The following TOMM7 variants were observed in gnomAD, a reference collection of about 807,000 sequenced individuals.
TOMM7 encodes mitochondrial import receptor subunit TOM7 homolog.
Under a neutral mutation model 9.5 loss-of-function variants are expected in TOMM7, and 8 were observed. The ratio of observed to expected loss-of-function variants is 0.84; its 90% confidence interval spans 0.49 to 1.51. TOMM7 has a LOEUF of 1.51. Ranked by LOEUF, TOMM7 falls within the 40% of genes most tolerant of loss-of-function variation. TOMM7 has a pLI of 0.00. For missense variants in TOMM7, 74 were observed against 63.7 expected, an observed-to-expected ratio of 1.16 and a Z score of -0.55; for synonymous variants, 27 against 21.4, an observed-to-expected ratio of 1.26 and a Z score of -0.72.
intron 1 of TOMM7, among the ~76,000 whole-genome samples, chr7:22,819,341 G>A (rs1439245869): frequency 6.6e-6 from 1 of 151,222 alleles, no homozygotes; most frequent in Non-Finnish European, 1.5e-5. Flanking sequence ...AAACTGGCCT[G>A]CCAATTTCAC....
At chr7:22,819,021 C>CG (rs895639824) in intron 1 of TOMM7, among the ~76,000 whole-genome samples, 32 of 90,900 alleles carry the variant, frequency 3.5e-4, no homozygotes, top group Middle Eastern at 5.0e-3. Context: ...GGGTGGAGGG[C>CG]GGGGGGGTTG....
intron 2 of TOMM7, among the ~76,000 whole-genome samples, chr7:22,816,054 C>A (rs1046295142): frequency 3.3e-5 from 5 of 152,084 alleles, no homozygotes. Context: ...CATGCAGTAT[C>A]ATATAGCTAG....
chr7:22,820,531 G>C (rs1361379715), intron 1 of TOMM7, among the ~76,000 whole-genome samples: 2 of 152,102 alleles, frequency 1.3e-5, no homozygotes, highest in Admixed American at 1.3e-4. Flanking sequence ...AAACCAAAGG[G>C]ACACAAAAAG....
rs375229765 is a variant in TOMM7, at chr7:22,813,204, G to A, written c.153-19C>T. ...AAGTAGGCTAAAATGTTTGTGAAGA[G>A]AAGAAAGAAATTAAATTCCGAAATA... On this transcript the variant is annotated intron_variant, in intron 2 of 2. Transcript: ENST00000358435. 653 of 1,606,270 alleles carry A rather than the reference G, an allele frequency of 4.1e-4. No homozygotes were observed. The highest frequency in any genetic ancestry group is 5.1e-4 in the Non-Finnish European group (604 of 1,177,004).
intron 1 of TOMM7, chr7:22,822,118 C>G: frequency 6.5e-7 from 1 of 1,547,978 alleles, no homozygotes; most frequent in Non-Finnish European, 8.7e-7. Flanking sequence ...GCTGTGCGAC[C>G]TTGGCAAAAA....
chr7:22,815,883 A>G (rs1319215740), intron 2 of TOMM7, among the ~76,000 whole-genome samples: 1 of 152,158 alleles, frequency 6.6e-6, no homozygotes, highest in African/African-American at 2.4e-5. Context: ...CTAGGAGGAA[A>G]GAAGGAAGAG....
intron 1 of TOMM7, among the ~76,000 whole-genome samples, chr7:22,820,278 T>C (rs1409744201): frequency 1.3e-5 from 2 of 151,640 alleles, no homozygotes; most frequent in African/African-American, 4.9e-5. Context: ...CAATCTCATA[T>C]AACTTGAATT....
intron 2 of TOMM7, among the ~76,000 whole-genome samples, chr7:22,817,154 G>C (rs1782326750): frequency 6.6e-6 from 1 of 152,136 alleles, no homozygotes; most frequent in Non-Finnish European, 1.5e-5. Flanking sequence ...TTCCTCCAGA[G>C]CAAACCTGCC....
rs756591724 is a variant in TOMM7 at position 22,822,636 on chromosome 7, C to G, written c.103+41G>C. 4 of 1,562,984 alleles carry G rather than the reference C, an allele frequency of 2.6e-6. No homozygotes were observed. The South Asian group carries it at 4.4e-5, about 17-fold the overall frequency. Reference sequence around the variant, plus strand: ...AAATGGGGCTGCTGTCTCCGCCACCCTCTTCCCTCCAGTCACTTTCCCGGT... The same window carrying G: ...AAATGGGGCTGCTGTCTCCGCCACCGTCTTCCCTCCAGTCACTTTCCCGGT... On this transcript the variant is annotated intron_variant, in intron 1 of 2. Transcript: ENST00000358435.
intron 1 of TOMM7, among the ~76,000 whole-genome samples, chr7:22,820,754 T>C (rs374855146): frequency 6.6e-6 from 1 of 152,162 alleles, no homozygotes. Flanking sequence ...CTGTCATATT[T>C]ACTCTAATCC....
chr7:22,822,057 A>C (rs1203663185), intron 1 of TOMM7: 1 of 1,389,998 alleles, frequency 7.2e-7, no homozygotes, highest in Non-Finnish European at 9.7e-7. Context: ...GGTTAAGACT[A>C]TGGGCTCTGA....
chr7:22,822,596 T>C (rs1583465200), intron 1 of TOMM7, 81 bp downstream of exon 1: 1 of 1,268,390 alleles, frequency 7.9e-7, no homozygotes, highest in Non-Finnish European at 1.1e-6. Flanking sequence ...TTTCTCTCCC[T>C]CCCCCGACGG....
chr7:22,815,303 C>A (rs546283678), intron 2 of TOMM7, among the ~76,000 whole-genome samples: 2 of 152,072 alleles, frequency 1.3e-5, no homozygotes, highest in Non-Finnish European at 1.5e-5. Context: ...ACTTCTGTAT[C>A]CTAAATCACC....
At chr7:22,821,957 G>A (rs1782398569) in intron 1 of TOMM7, among the ~76,000 whole-genome samples, 1 of 151,994 alleles carries the variant, frequency 6.6e-6, no homozygotes. Flanking sequence ...CCGGGATAGC[G>A]CCACTGCACT....
chr7:22,816,766 A>T (rs937695387), intron 2 of TOMM7, among the ~76,000 whole-genome samples: 2 of 152,216 alleles, frequency 1.3e-5, no homozygotes, highest in African/African-American at 4.8e-5. Flanking sequence ...CTAAGTTAAG[A>T]AAGAGGTAAA....
intron 1 of TOMM7, among the ~76,000 whole-genome samples, chr7:22,820,932 T>G (rs1376769168): frequency 6.6e-6 from 1 of 151,114 alleles, no homozygotes; most frequent in Non-Finnish European, 1.5e-5. Flanking sequence ...CAGAGTGTAC[T>G]TTATCTTATA....
Position 22,822,796 on chromosome 7 carries a change from C to T in TOMM7, c.-17G>A. On this transcript the variant is annotated 5_prime_UTR_variant, in exon 1 of 3. Coordinates refer to ENST00000358435, the MANE Select transcript of TOMM7 (RefSeq NM_019059.5). ...CTTCACCATGGCGACGGCCGTGTGG[C>T]GCAGGGAGGACCCCTTACAGCAACC... is the stretch of plus-strand genomic sequence containing the variant. The T allele has an allele frequency of 1.0e-5, 16 of 1,606,236 alleles. No individual in the cohort carries two copies. Among genetic ancestry groups the T allele is most frequent in the Non-Finnish European group, 1.2e-5 (14 of 1,172,882 alleles).
At chr7:22,815,513 C>G (rs1782306583) in intron 2 of TOMM7, among the ~76,000 whole-genome samples, 1 of 148,134 alleles carries the variant, frequency 6.8e-6, no homozygotes, top group Non-Finnish European at 1.5e-5. Context: ...CTGGGCAACA[C>G]AGTGAGACCT....
chr7:22,819,399 C>T (rs1307681139), intron 1 of TOMM7, among the ~76,000 whole-genome samples: 3 of 149,702 alleles, frequency 2.0e-5, no homozygotes, highest in Non-Finnish European at 4.4e-5. Flanking sequence ...GACGGAGTCT[C>T]GCTCTGTCGC....
Sources: gnomAD v4.1 joint callset for allele counts (sites outside exome capture counted in the v4.1 genomes callset) on GRCh38, gnomAD v4.1.1 for gene constraint, MANE v1.5 for transcripts, NCBI Gene and HGNC (gene_info 2026-07-23, HGNC 2026-07-21) for gene names.